The following NPAS3 variants were observed in gnomAD, a reference collection of about 807,000 sequenced individuals.
The protein encoded by NPAS3 is neuronal PAS domain-containing protein 3.
In NPAS3, 14 loss-of-function variants were observed where a neutral mutation model predicts 73.1. The ratio of observed to expected loss-of-function variants is 0.19; its 90% CI spans 0.13 to 0.30. The LOEUF (loss-of-function observed/expected upper bound fraction) is 0.30, where lower values mean the gene tolerates loss of function less well. Among genes scored for constraint, NPAS3 ranks in the 10% least tolerant of loss-of-function variants. NPAS3 has a pLI of 1.00. For synonymous variants in NPAS3, 620 were observed against 541.5 expected, an observed-to-expected ratio of 1.14 and a Z score of -2.01; for missense variants, 1,096 against 1,250.0, an observed-to-expected ratio of 0.88 and a Z score of 1.86.
intron 6 of NPAS3, among the ~76,000 whole-genome samples, chr14:33,732,239 A>T (rs2140628173): frequency 6.6e-6 from 1 of 152,168 alleles, no homozygotes; most frequent in South Asian, 2.1e-4. Flanking sequence ...GCACGCACAC[A>T]CACACACACT....
chr14:33,600,965 A>G (rs1455966261), intron 5 of NPAS3, among the ~76,000 whole-genome samples: 1 of 152,172 alleles, frequency 6.6e-6, no homozygotes, highest in East Asian at 1.9e-4. Context: ...TTCTGGGGTA[A>G]GCAGACATTT....
intron 5 of NPAS3, among the ~76,000 whole-genome samples, chr14:33,660,963 T>A (rs78463272): frequency 0.027 from 4,044 of 152,242 alleles, 184 homozygotes; most frequent in African/African-American, 0.092. Flanking sequence ...TTAGCTGATA[T>A]GTGTTAAGAG....
intron 7 of NPAS3, among the ~76,000 whole-genome samples, chr14:33,749,314 A>G (rs1958715792): frequency 6.6e-6 from 1 of 152,108 alleles, no homozygotes; most frequent in Non-Finnish European, 1.5e-5. Context: ...TTCTTTAATT[A>G]TTTGCAGTTG....
At position 33,612,474 on chromosome 14, in the gene NPAS3, AG is replaced by A. The variant is rs1326504233; in HGVS notation, c.558+52265del. On this transcript the variant is annotated intron_variant, in intron 5 of 11. Coordinates refer to ENST00000356141, the Ensembl canonical transcript of NPAS3. Reference sequence around the variant, plus strand: ...CAGATGTTCTGTGGCAAAGTTACAAAGCATTTATGTCACTTTTTAAAATTAA... The same window carrying A: ...CAGATGTTCTGTGGCAAAGTTACAAACATTTATGTCACTTTTTAAAATTAA... 8.8e-6 allele frequency: 4 copies of A among 456,084 alleles called. No individual in the cohort carries two copies. In the Admixed American group the frequency reaches 9.4e-5, roughly 11 times the overall value. 28.3% of individuals were successfully genotyped at this position (456,084 alleles called of 1,614,324 possible).
chr14:32,938,482 A>AGAAAGAGAGAGAGAGAGAGAGAGAGAGAG (rs2035781447), upstream of NPAS3, among the ~76,000 whole-genome samples: 1 of 15,058 alleles, frequency 6.6e-5, no homozygotes, highest in African/African-American at 3.1e-4. Flanking sequence ...AGAGAGAGAG[A>AGAAAGAGAGAGAGAGAGAGAGAGAGAGAG]AATTGAGAGA....
At chr14:33,154,431 G>A (rs1190899976) in intron 2 of NPAS3, among the ~76,000 whole-genome samples, 8 of 152,196 alleles carry the variant, frequency 5.3e-5, no homozygotes, top group African/African-American at 1.7e-4. Context: ...CGGAAGCTGC[G>A]CTTTGAGCCC....
At chr14:33,060,637 T>C (rs1357593746) in intron 2 of NPAS3, among the ~76,000 whole-genome samples, 1 of 152,234 alleles carries the variant, frequency 6.6e-6, no homozygotes, top group Non-Finnish European at 1.5e-5. Context: ...TTTTCTCCTT[T>C]GTGAAATTCA....
At chr14:33,543,530 C>A (rs1304076260) in intron 4 of NPAS3, among the ~76,000 whole-genome samples, 1 of 151,996 alleles carries the variant, frequency 6.6e-6, no homozygotes, top group Non-Finnish European at 1.5e-5. Context: ...AGAAGAATTC[C>A]TTGAGGGAAA....
chr14:33,360,094 C>T (rs757279511), intron 3 of NPAS3, among the ~76,000 whole-genome samples: 1 of 152,220 alleles, frequency 6.6e-6, no homozygotes, highest in Admixed American at 6.5e-5. Flanking sequence ...AGGCCTGCCT[C>T]GCCCAGTGGA....
intron 4 of NPAS3, among the ~76,000 whole-genome samples, chr14:33,370,131 T>C (rs1414628041): frequency 1.3e-5 from 2 of 152,130 alleles, no homozygotes; most frequent in Non-Finnish European, 2.9e-5. Context: ...AAATACTTTA[T>C]AAGAACACAG....
chr14:33,128,093 G>T (rs1242087182), intron 2 of NPAS3, among the ~76,000 whole-genome samples: 2 of 152,086 alleles, frequency 1.3e-5, no homozygotes, highest in Non-Finnish European at 2.9e-5. Flanking sequence ...CTTAATGTCA[G>T]CCATAAAAAT....
rs530057079 is a variant in NPAS3 at position 33,165,888 on chromosome 14, A to G, written c.141-49294A>G. Among the ~76,000 whole-genome samples, 58 of 152,326 alleles carry G rather than the reference A, an allele frequency of 3.8e-4. No individual in the cohort carries two copies. The South Asian group carries it at 0.011, about 30-fold the overall frequency. On this transcript the variant is annotated intron_variant, in intron 2 of 11. Coordinates refer to ENST00000356141, the Ensembl canonical transcript of NPAS3. ...TTGGTTTGATTTCTGTGTTCTGTCC[A>G]CATTCTGTGAGTACTTTGTGTCCCC...
Position 33,364,769 on chromosome 14 carries a change from C to T in NPAS3, c.386-2417C>T, listed in dbSNP as rs1454388908. On this transcript the variant is annotated intron_variant, in intron 3 of 11. Transcript: ENST00000356141. ...CCATCAGTAGCCAGACTTGAATAAC[C>T]GCCCCACCCCCCACACCCCCACTGA... Among the ~76,000 whole-genome samples, 6 of 152,068 alleles carry T rather than the reference C, an allele frequency of 3.9e-5. No homozygotes were observed. The South Asian group carries it at 1.0e-3, about 26-fold the overall frequency.
chr14:33,137,616 T>A (rs1221586908), intron 2 of NPAS3, among the ~76,000 whole-genome samples: 1 of 152,158 alleles, frequency 6.6e-6, no homozygotes, highest in Non-Finnish European at 1.5e-5. Context: ...ATATCAAGAT[T>A]AGTGGAAATT....
chr14:33,263,501 C>T (rs2049051987), intron 3 of NPAS3, among the ~76,000 whole-genome samples: 1 of 152,130 alleles, frequency 6.6e-6, no homozygotes, highest in Non-Finnish European at 1.5e-5. Flanking sequence ...GTACCAGTAC[C>T]ACGCTGTTTT....
intron 1 of NPAS3, among the ~76,000 whole-genome samples, chr14:32,970,217 G>A (rs921191000): frequency 7.9e-5 from 12 of 152,166 alleles, no homozygotes; most frequent in Non-Finnish European, 7.4e-5. Flanking sequence ...GCTAGAGATA[G>A]ACTAAATTCA....
intron 1 of NPAS3, among the ~76,000 whole-genome samples, chr14:32,951,446 A>G (rs1000897458): frequency 6.6e-6 from 1 of 152,144 alleles, no homozygotes; most frequent in African/African-American, 2.4e-5. Flanking sequence ...TCATGAAAAC[A>G]TCTTTGAAAG....
intron 4 of NPAS3, among the ~76,000 whole-genome samples, chr14:33,429,351 A>G (rs1330861426): frequency 6.6e-6 from 1 of 152,106 alleles, no homozygotes; most frequent in East Asian, 1.9e-4. Context: ...GTTTAACCCT[A>G]TGCTATCTCT....
At chr14:33,449,616 T>C (rs191836439) in intron 4 of NPAS3, among the ~76,000 whole-genome samples, 26 of 151,786 alleles carry the variant, frequency 1.7e-4, no homozygotes, top group Admixed American at 1.6e-3. Flanking sequence ...CACACACATA[T>C]ACATGCACAC....
Sources: allele counts gnomAD v4.1 joint callset (sites outside exome capture counted in the v4.1 genomes callset), GRCh38; gene constraint gnomAD v4.1.1; transcripts MANE v1.5; gene names NCBI Gene and HGNC (gene_info 2026-07-23, HGNC 2026-07-21).